P3H2: variants seen among roughly 807,000 people sequenced by gnomAD.
The protein encoded by P3H2 is leprecan-like 1.
Under a neutral mutation model 87.0 loss-of-function variants are expected in P3H2, and 80 were observed. The ratio of observed to expected loss-of-function variants is 0.92; its 90% CI spans 0.77 to 1.11. The LOEUF is 1.11. Ranked by LOEUF, P3H2 falls within the 50% of genes least tolerant of loss-of-function variation. P3H2 has a pLI of 0.00. For missense variants in P3H2, 1,001 were observed against 923.9 expected, an observed-to-expected ratio of 1.08 and a Z score of -1.08; for synonymous variants, 367 against 359.3, an observed-to-expected ratio of 1.02 and a Z score of -0.24.
intron 1 of P3H2, among the ~76,000 whole-genome samples, chr3:190,010,248 C>T (rs1724543803): frequency 6.6e-6 from 1 of 152,050 alleles, no homozygotes; most frequent in African/African-American, 2.4e-5. Flanking sequence ...GAATGAAGTT[C>T]AGAGAGGTCA....
intron 1 of P3H2, among the ~76,000 whole-genome samples, chr3:190,098,727 A>G (rs1164387437): frequency 6.6e-6 from 1 of 152,170 alleles, no homozygotes; most frequent in Admixed American, 6.5e-5. Flanking sequence ...ATCATTCATA[A>G]TTTATTACAC....
At chr3:190,058,290 T>C (rs1296330473) in intron 1 of P3H2, among the ~76,000 whole-genome samples, 1 of 152,146 alleles carries the variant, frequency 6.6e-6, no homozygotes, top group African/African-American at 2.4e-5. Context: ...CTCGTGTAAG[T>C]AGCATTTATT....
At position 190,071,110 on chromosome 3, in the gene P3H2, G is replaced by T. The variant is rs552820084; in HGVS notation, c.480+49142C>A. On this transcript the variant is annotated intron_variant, in intron 1 of 14. Coordinates refer to ENST00000319332, the MANE Select transcript of P3H2 (RefSeq NM_018192.4). ...CTCAATAAATACTATCATGTTACAGGATGACATGTTTGCATTGAAACTGAT... is the reference window on the plus strand; with the variant it reads ...CTCAATAAATACTATCATGTTACAGTATGACATGTTTGCATTGAAACTGAT... Among the ~76,000 whole-genome samples, 3 of 152,258 alleles carry T rather than the reference G, an allele frequency of 2.0e-5. No individual in the cohort carries two copies. In the South Asian group the frequency reaches 6.2e-4, roughly 32 times the overall value.
intron 1 of P3H2, among the ~76,000 whole-genome samples, chr3:190,048,549 T>C (rs920436092): frequency 1.3e-5 from 2 of 152,230 alleles, no homozygotes; most frequent in Non-Finnish European, 2.9e-5. Flanking sequence ...TTTTACTAGA[T>C]GATTTTTGTA....
rs71175322 is a variant in P3H2 at position 189,970,191 on chromosome 3, A to AATATAT, written c.1893+619_1893+624dup. ...ATCTCTCTATGCATATATATATGCA[A>AATATAT]ATATATATATATATATATATATATA... On this transcript the variant is annotated intron_variant, in intron 13 of 14. Coordinates refer to ENST00000319332, the MANE Select transcript of P3H2 (RefSeq NM_018192.4). Among the ~76,000 whole-genome samples the AATATAT allele has an allele frequency of 8.7e-3, 467 of 53,940 alleles. 20 individuals carry two copies. The highest frequency in any genetic ancestry group is 0.041 in the South Asian group (62 of 1,526). 35.4% of individuals were successfully genotyped at this position (53,940 alleles called of 152,430 possible).
chr3:190,036,823 G>A (rs1486204833), intron 1 of P3H2, among the ~76,000 whole-genome samples: 1 of 152,032 alleles, frequency 6.6e-6, no homozygotes, highest in Non-Finnish European at 1.5e-5. Context: ...TGTAAACCAG[G>A]CAGCAGCCAT....
At chr3:190,029,867 TG>T (rs1725197385) in intron 1 of P3H2, among the ~76,000 whole-genome samples, 1 of 151,906 alleles carries the variant, frequency 6.6e-6, no homozygotes, top group South Asian at 2.1e-4. Context: ...AAGGGCATGG[TG>T]GTGGGCACCT....
chr3:190,087,681 T>C (rs1479645557), intron 1 of P3H2, among the ~76,000 whole-genome samples: 1 of 152,192 alleles, frequency 6.6e-6, no homozygotes, highest in East Asian at 1.9e-4. Context: ...TTCAGATCTA[T>C]AAAATTCCAT....
intron 1 of P3H2, among the ~76,000 whole-genome samples, chr3:190,075,928 C>A (rs542404332): frequency 3.0e-4 from 45 of 152,218 alleles, no homozygotes; most frequent in African/African-American, 1.1e-3. Flanking sequence ...ACAACTAACA[C>A]TTTTTTCTGC....
intron 8 of P3H2, among the ~76,000 whole-genome samples, chr3:189,981,615 C>A (rs1723536802): frequency 6.6e-6 from 1 of 152,166 alleles, no homozygotes. Context: ...TAATCATGAT[C>A]CTTCTCTATC....
At chr3:190,041,715 T>C (rs768821669) in intron 1 of P3H2, among the ~76,000 whole-genome samples, 1 of 152,250 alleles carries the variant, frequency 6.6e-6, no homozygotes, top group Non-Finnish European at 1.5e-5. Flanking sequence ...TGGTTTTTTA[T>C]GTTCTCAAGT....
chr3:190,086,946 C>T (rs1184172615), intron 1 of P3H2, among the ~76,000 whole-genome samples: 1 of 152,196 alleles, frequency 6.6e-6, no homozygotes, highest in East Asian at 1.9e-4. Context: ...AAGATGGGAA[C>T]TTGAGAGGAA....
chr3:190,114,628 C>G (rs1290825720), intron 1 of P3H2, among the ~76,000 whole-genome samples: 1 of 152,068 alleles, frequency 6.6e-6, no homozygotes, highest in Non-Finnish European at 1.5e-5. Flanking sequence ...CACACGGGAC[C>G]TAAAATCTAG....
chr3:189,967,450 C>T (rs925960716), intron 13 of P3H2, among the ~76,000 whole-genome samples: 6 of 145,906 alleles, frequency 4.1e-5, no homozygotes, highest in Admixed American at 1.4e-4. Context: ...TTTCCAAATA[C>T]GGCCACTAGA....
Position 189,963,941 on chromosome 3 carries a change from G to A in P3H2, c.2034+17C>T, listed in dbSNP as rs555676727. 5 of 1,614,002 alleles carry A rather than the reference G, an allele frequency of 3.1e-6. No homozygotes were observed. The highest frequency in any genetic ancestry group is 1.3e-5 in the African/African-American group (1 of 75,038). On this transcript the variant is annotated intron_variant, in intron 14 of 14. Coordinates refer to ENST00000319332, the MANE Select transcript of P3H2 (RefSeq NM_018192.4). ...GAAGCAAGCCTAATTGGCTTTCTGG[G>A]CGGGTGAGAAACTCACCAATTCTCT...
chr3:189,969,965 G>A (rs1723120344), intron 13 of P3H2: 1 of 652,302 alleles, frequency 1.5e-6, no homozygotes. Flanking sequence ...CTACCATTGT[G>A]TATGCTCTTT....
chr3:190,006,687 T>G (rs1236235127), intron 1 of P3H2, among the ~76,000 whole-genome samples: 1 of 152,170 alleles, frequency 6.6e-6, no homozygotes. Context: ...CACAGTAACC[T>G]GGAAGGTTCA....
chr3:190,120,418 GCGCCGGGGCCCT>G lies in P3H2; in HGVS notation c.302_313del (p.Glu101_Gly104del). 6.7e-7 allele frequency: 1 copy of G among 1,485,110 alleles called. No homozygotes were observed. The highest frequency in any genetic ancestry group is 8.9e-7 in the Non-Finnish European group (1 of 1,125,294). 92.0% of individuals were successfully genotyped at this position (1,485,110 alleles called of 1,614,324 possible). A position where few individuals can be genotyped will look rare whatever the true frequency, so the allele number is the denominator to read the frequency against. The stretch of plus-strand genomic sequence containing the variant: ...CAAGGAGCGGAAAAGGGGCAGCTCA[GCGCCGGGGCCCT>G]CGCCGGGGGGCGGGGGCGGGAGCGG... On this transcript the variant is annotated inframe_deletion, in exon 1 of 15. Coordinates refer to ENST00000319332, the MANE Select transcript of P3H2 (RefSeq NM_018192.4).
chr3:190,034,918 G>C (rs1410874056), intron 1 of P3H2, among the ~76,000 whole-genome samples: 1 of 145,048 alleles, frequency 6.9e-6, no homozygotes, highest in South Asian at 2.2e-4. Flanking sequence ...GTGTGATCTC[G>C]GCTCACTGCA....
Sources: allele counts gnomAD v4.1 joint callset (sites outside exome capture counted in the v4.1 genomes callset), GRCh38; gene constraint gnomAD v4.1.1; transcripts MANE v1.5; gene names NCBI Gene and HGNC (gene_info 2026-07-23, HGNC 2026-07-21).